Variants in ICAM2 observed in about 807,000 individuals in gnomAD.
ICAM2 encodes intercellular adhesion molecule 2, also known as ICAM-2.
A neutral mutation model predicts 19.1 loss-of-function variants in ICAM2; 14 were observed. The observed-to-expected ratio is 0.73, with a 90% confidence interval of 0.48 to 1.15. The LOEUF (loss-of-function observed/expected upper bound fraction) is 1.15, where lower values mean the gene tolerates loss of function less well. ICAM2 is among the 50% of genes most tolerant of loss of function. ICAM2 has a pLI of 0.00. For synonymous variants in ICAM2, 153 were observed against 152.7 expected, an observed-to-expected ratio of 1.00 and a Z score of -0.01; for missense variants, 311 against 355.4, an observed-to-expected ratio of 0.88 and a Z score of 1.00.
chr17:64,005,409 C>G, intron 2 of ICAM2, 36 bp from the exon 3 acceptor site: 2 of 1,597,064 alleles, frequency 1.3e-6, no homozygotes, highest in Non-Finnish European at 1.7e-6. Flanking sequence ...TCGTGTCATC[C>G]CCCCACCCCC....
chr17:64,015,675 G>A (rs1911692753), intron 1 of ICAM2, among the ~76,000 whole-genome samples: 1 of 152,102 alleles, frequency 6.6e-6, no homozygotes, highest in South Asian at 2.1e-4. Context: ...GGGAGGTTGA[G>A]GCTGCAGTAA....
chr17:64,002,808 C>T lies in ICAM2; in HGVS notation c.767G>A (p.Arg256Gln), dbSNP rs3764867. ...CGCTCGCACCCCGTAGGTGCCCATCCGCTGCTGGCGCAAGTGCTGGCCGAA... is the reference window on the plus strand; with the variant it reads ...CGCTCGCACCCCGTAGGTGCCCATCTGCTGCTGGCGCAAGTGCTGGCCGAA... ...FIFGQHLRQQ[R>Q]MGTYGVRAAW... Residue 256 changes from arginine to glutamine, a missense_variant, in exon 5 of 5, where the codon CGG becomes CAG. Arg to Gln is a conservative substitution (Grantham distance 43). Transcript: ENST00000579788. 175 of 1,613,816 alleles carry T rather than the reference C, an allele frequency of 1.1e-4. No individual in the cohort carries two copies. In the East Asian group the frequency reaches 3.3e-3, roughly 30 times the overall value.
rs1422719140 is a variant in ICAM2, at chr17:64,002,737, C to G, written c.*10G>C. The G allele has an allele frequency of 6.2e-7, 1 of 1,609,184 alleles. No individual in the cohort carries two copies. Among genetic ancestry groups the G allele is most frequent in the East Asian group, 2.2e-5 (1 of 44,856 alleles). ...GACCACCGTGGTGGTGGCCATGCCA[C>G]TCATGGTTGCTATGGCCGGAAGGCC... On this transcript the variant is annotated 3_prime_UTR_variant, in exon 5 of 5. Transcript: ENST00000579788.
At chr17:64,003,558 TC>T in intron 4 of ICAM2, 85 bp downstream of exon 4, 2 of 1,275,894 alleles carry the variant, frequency 1.6e-6, no homozygotes, top group Non-Finnish European at 2.2e-6. Context: ...GGTGTTTGCT[TC>T]CCAAGTGGGA....
chr17:64,011,766 A>T (rs1003582828), intron 1 of ICAM2, among the ~76,000 whole-genome samples: 10 of 152,138 alleles, frequency 6.6e-5, no homozygotes, highest in Admixed American at 2.6e-4. Context: ...TTAAAAAGAG[A>T]TACGTGTTGA....
intron 1 of ICAM2, among the ~76,000 whole-genome samples, chr17:64,010,773 A>G (rs2143218337): frequency 6.6e-6 from 1 of 152,324 alleles, no homozygotes; most frequent in African/African-American, 2.4e-5. Context: ...TGTTTACAAT[A>G]ATGGTAATAT....
chr17:64,018,009 T>C (rs1198261653), intron 1 of ICAM2, among the ~76,000 whole-genome samples: 1 of 152,136 alleles, frequency 6.6e-6, no homozygotes, highest in African/African-American at 2.4e-5. Flanking sequence ...GACCTCGAAA[T>C]TGTCAATCAT....
chr17:64,014,361 AAG>A (rs1911579164), intron 1 of ICAM2, among the ~76,000 whole-genome samples: 1 of 57,568 alleles, frequency 1.7e-5, no homozygotes, highest in African/African-American at 5.7e-5. Flanking sequence ...GAAAGAAAGA[AAG>A]AAAGAAAGAA....
chr17:64,009,191 T>A (rs1391096523), intron 1 of ICAM2, among the ~76,000 whole-genome samples: 36 of 152,158 alleles, frequency 2.4e-4, no homozygotes, highest in Admixed American at 2.4e-3. Flanking sequence ...TTCATCATTG[T>A]TGAATTGGTA....
At chr17:64,012,393 T>C (rs1008016842) in intron 1 of ICAM2, among the ~76,000 whole-genome samples, 2 of 152,044 alleles carry the variant, frequency 1.3e-5, no homozygotes, top group African/African-American at 2.4e-5. Flanking sequence ...AGGTCAGGAG[T>C]TCGAGACCAG....
At chr17:64,005,882 GGAGCTCCA>G (rs1567846161) in intron 2 of ICAM2, 1 of 162,210 alleles carries the variant, frequency 6.2e-6, no homozygotes, top group African/African-American at 2.4e-5. Flanking sequence ...CTGCCCTGGC[GGAGCTCCA>G]GTAAACAGTG....
intron 1 of ICAM2, among the ~76,000 whole-genome samples, chr17:64,018,844 C>T (rs1181436498): frequency 6.6e-6 from 1 of 151,054 alleles, no homozygotes; most frequent in East Asian, 1.9e-4. Flanking sequence ...GCCTCAGTCT[C>T]CCGAATAGCT....
At chr17:64,012,451 T>C (rs1911493105) in intron 1 of ICAM2, among the ~76,000 whole-genome samples, 1 of 152,028 alleles carries the variant, frequency 6.6e-6, no homozygotes. Flanking sequence ...TATATAAAAA[T>C]TGGCCGGGCA....
intron 1 of ICAM2, among the ~76,000 whole-genome samples, chr17:64,014,429 AAGGAAGG>A (rs1911600623): frequency 4.3e-5 from 3 of 69,262 alleles, no homozygotes; most frequent in Non-Finnish European, 1.2e-4. Flanking sequence ...GAAAGGAAGG[AAGGAAGG>A]AAGAGAGAGA....
chr17:64,016,456 C>T lies in ICAM2; in HGVS notation c.-45+4067G>A, dbSNP rs543911305. ...TTATACTATGCTTCTTTTTGCTTTT[C>T]GTCTCAGGGTCTTCTTCAATGCTTT... On this transcript the variant is annotated intron_variant, in intron 1 of 4. Transcript: ENST00000579788. 2.0e-4 allele frequency among the ~76,000 whole-genome samples: 31 copies of T among 152,264 alleles called. No individual in the cohort carries two copies. In the South Asian group the frequency reaches 6.2e-3, roughly 31 times the overall value.
At chr17:64,016,605 C>T (rs986760413) in intron 1 of ICAM2, among the ~76,000 whole-genome samples, 2 of 152,242 alleles carry the variant, frequency 1.3e-5, no homozygotes, top group Non-Finnish European at 2.9e-5. Flanking sequence ...CTCCTTCTTG[C>T]CAGTGGGCAA....
chr17:64,011,446 A>G (rs995478634), intron 1 of ICAM2, among the ~76,000 whole-genome samples: 5 of 152,192 alleles, frequency 3.3e-5, no homozygotes, highest in African/African-American at 1.2e-4. Flanking sequence ...TGGGTGACAG[A>G]GCGAGACTCC....
At chr17:64,017,634 C>T (rs1911766456) in intron 1 of ICAM2, among the ~76,000 whole-genome samples, 1 of 152,174 alleles carries the variant, frequency 6.6e-6, no homozygotes, top group Middle Eastern at 3.4e-3. Context: ...ACCAAGACGC[C>T]CCTAAAGGAA....
At chr17:64,013,004 T>C (rs1396225887) in intron 1 of ICAM2, among the ~76,000 whole-genome samples, 5 of 151,964 alleles carry the variant, frequency 3.3e-5, no homozygotes. Flanking sequence ...ATCCAAACAA[T>C]CCTTAGTTAA....
Sources: gnomAD v4.1 joint callset for allele counts (sites outside exome capture counted in the v4.1 genomes callset) on GRCh38, gnomAD v4.1.1 for gene constraint, MANE v1.5 for transcripts, NCBI Gene and HGNC (gene_info 2026-07-23, HGNC 2026-07-21) for gene names.